PODXL: variants seen among roughly 807,000 people sequenced by gnomAD.
PODXL encodes the protein podocalyxin.
A neutral mutation model predicts 48.9 loss-of-function variants in PODXL; 20 were observed. That is an observed-to-expected ratio of 0.41 (90% confidence interval 0.29 to 0.59). The LOEUF is 0.59. PODXL is among the 20% of genes least tolerant of loss of function. The pLI, the probability that PODXL is intolerant of heterozygous loss-of-function variation, is 0.31. For missense variants in PODXL, 606 were observed against 675.1 expected (o/e 0.90, Z 1.13); for synonymous variants, 295 against 287.4 (o/e 1.03, Z -0.27).
intron 1 of PODXL, among the ~76,000 whole-genome samples, chr7:131,543,268 G>A (rs188170147): frequency 4.5e-4 from 68 of 152,160 alleles, no homozygotes; most frequent in Non-Finnish European, 6.3e-4. Flanking sequence ...TGGAATTACA[G>A]GTCCATACCA....
intron 1 of PODXL, among the ~76,000 whole-genome samples, chr7:131,536,512 G>C (rs1019269062): frequency 3.3e-5 from 5 of 152,132 alleles, no homozygotes; most frequent in Non-Finnish European, 5.9e-5. Flanking sequence ...TTACACCCTC[G>C]GGCCAGCAGC....
In PODXL at chr7:131,504,264, T is replaced by C. The variant is rs1584805347; in HGVS notation, c.*47A>G. 6.6e-7 allele frequency: 1 copy of C among 1,525,710 alleles called. No individual in the cohort carries two copies. Among genetic ancestry groups the C allele is most frequent in the Non-Finnish European group, 9.1e-7 (1 of 1,103,870 alleles). 94.5% of individuals were successfully genotyped at this position (1,525,710 alleles called of 1,614,324 possible). A position where few individuals can be genotyped will look rare whatever the true frequency, so the allele number is the denominator to read the frequency against. The stretch of plus-strand genomic sequence containing the variant: ...CCCATCCAAACGGCACTTGGGGTGG[T>C]TGGTCTGGAGCTCTGTGGTGCTGCT... On this transcript the variant is annotated 3_prime_UTR_variant, in exon 9 of 9. Transcript: ENST00000378555.
At chr7:131,506,134 G>C (rs1469262713) in intron 7 of PODXL, 99 bp from the exon 8 acceptor site, 6 of 1,544,634 alleles carry the variant, frequency 3.9e-6, no homozygotes, top group Middle Eastern at 3.7e-4. Flanking sequence ...GCTAGGGTCC[G>C]TGCCGCCGCC....
At chr7:131,530,150 A>G in intron 1 of PODXL, among the ~76,000 whole-genome samples, 2 of 78,232 alleles carry the variant, frequency 2.6e-5, no homozygotes, top group Admixed American at 2.5e-4. Flanking sequence ...TCTACACCCC[A>G]CCCCCCCACC....
intron 5 of PODXL, among the ~76,000 whole-genome samples, chr7:131,507,219 AC>A (rs1797823637): frequency 6.6e-6 from 1 of 151,954 alleles, no homozygotes; most frequent in African/African-American, 2.4e-5. Flanking sequence ...AAGGGTCTCT[AC>A]CCCCAAAGCT....
chr7:131,507,300 G>T (rs1797825983), intron 5 of PODXL, among the ~76,000 whole-genome samples: 1 of 152,192 alleles, frequency 6.6e-6, no homozygotes. Flanking sequence ...ACAGGGAAGG[G>T]GCTCCACTGA....
At chr7:131,516,637 ATTCATGAC>A (rs1267520478) in intron 1 of PODXL, among the ~76,000 whole-genome samples, 1 of 152,080 alleles carries the variant, frequency 6.6e-6, no homozygotes, top group Non-Finnish European at 1.5e-5. Flanking sequence ...AAGCAACATA[ATTCATGAC>A]TTCTGAGATT....
chr7:131,551,663 G>A (rs1798668472), intron 1 of PODXL, among the ~76,000 whole-genome samples: 1 of 152,158 alleles, frequency 6.6e-6, no homozygotes, highest in African/African-American at 2.4e-5. Context: ...TGAGCTGGGT[G>A]CGGTGGCTCA....
intron 1 of PODXL, among the ~76,000 whole-genome samples, chr7:131,516,408 G>A (rs1490442161): frequency 6.6e-6 from 1 of 152,076 alleles, no homozygotes; most frequent in Non-Finnish European, 1.5e-5. Context: ...GCGTGTTGGC[G>A]CATGCCTGTA....
chr7:131,508,350 TA>T lies in PODXL; in HGVS notation c.1101+600del, dbSNP rs1319536773. On this transcript the variant is annotated intron_variant, in intron 5 of 8. Transcript: ENST00000378555. Reference sequence around the variant, plus strand: ...CTGTTCGTCCATCAAGGCTCTCAGATAGTCCACAGACCAGGAAATGTGAAGC... The same window carrying T: ...CTGTTCGTCCATCAAGGCTCTCAGATGTCCACAGACCAGGAAATGTGAAGC... Among the ~76,000 whole-genome samples the T allele has an allele frequency of 3.3e-5, 5 of 152,216 alleles. No individual in the cohort carries two copies. The East Asian group carries it at 9.6e-4, about 29-fold the overall frequency.
Position 131,506,582 on chromosome 7 carries a change from G to T in PODXL, c.1246C>A (p.His416Asn). ...GGCCCCCTTGCCCTCCACTCACTGT[G>T]AATAGTGATTTCTTTGACGACCACG... Reference protein sequence around the residue: ...QTVVVKEITIHTKLPAKDVYE... With the variant: ...QTVVVKEITINTKLPAKDVYE... The change falls in exon 6 of 9, where the codon CAC (histidine) becomes AAC (asparagine). Residue 416 changes from histidine to asparagine, a missense_variant. Transcript: ENST00000378555. The T allele has an allele frequency of 6.2e-7, 1 of 1,613,968 alleles. No individual in the cohort carries two copies. Among genetic ancestry groups the T allele is most frequent in the Non-Finnish European group, 8.5e-7 (1 of 1,179,920 alleles).
chr7:131,516,736 C>CTTTTTTTT (rs58722955), intron 1 of PODXL, among the ~76,000 whole-genome samples: 3 of 125,640 alleles, frequency 2.4e-5, no homozygotes, highest in Non-Finnish European at 3.2e-5. Flanking sequence ...TTTTTTTTCT[C>CTTTTTTTT]TTTTTTTTTT....
Position 131,504,344 on chromosome 7 carries a change from G to T in PODXL, c.1644C>A (p.Asp548Glu). Reference sequence around the variant, plus strand: ...GTGTGTCTTCCTCCTCATCCAGGTCGTCCTTGGTCAGGTTGTCCAGAGGGA... The same window carrying T: ...GTGTGTCTTCCTCCTCATCCAGGTCTTCCTTGGTCAGGTTGTCCAGAGGGA... ...WIVPLDNLTK[D>E]DLDEEEDTHL Residue 548 changes from aspartate (D) to glutamate (E), a missense_variant, in exon 9 of 9, where the codon GAC becomes GAA. Coordinates refer to ENST00000378555, the MANE Select transcript of PODXL (RefSeq NM_001018111.3). 2.5e-6 allele frequency: 4 copies of T among 1,614,180 alleles called. No individual in the cohort carries two copies. Among genetic ancestry groups the T allele is most frequent in the Non-Finnish European group, 1.7e-6 (2 of 1,180,014 alleles).
In PODXL at chr7:131,556,582, G is replaced by A. The variant is rs1459624884; in HGVS notation, c.-223C>T. ...GAGCCAGTGGCAGAGGAGCGGCGGC[G>A]GCGGCGGCTGCGTCCTGGGCGGCGT... On this transcript the variant is annotated 5_prime_UTR_variant, in exon 1 of 9. Transcript: ENST00000378555. The A allele has an allele frequency of 7.4e-6, 3 of 404,140 alleles. No individual in the cohort carries two copies. Among genetic ancestry groups the A allele is most frequent in the East Asian group, 4.7e-5 (1 of 21,324 alleles). 25.0% of individuals were successfully genotyped at this position (404,140 alleles called of 1,614,324 possible).
chr7:131,526,953 GGTCTCAAACTCCTGACCT>G (rs1485137913), intron 1 of PODXL, among the ~76,000 whole-genome samples: 1 of 151,926 alleles, frequency 6.6e-6, no homozygotes, highest in Non-Finnish European at 1.5e-5. Context: ...TGGCCAGGAT[GGTCTCAAACTCCTGACCT>G]CAAGTGATCC....
Position 131,501,847 on chromosome 7 carries a change from C to T in PODXL, c.*2464G>A, listed in dbSNP as rs1019993296. On this transcript the variant is annotated 3_prime_UTR_variant, in exon 9 of 9. Coordinates refer to ENST00000378555, the MANE Select transcript of PODXL (RefSeq NM_001018111.3). Reference sequence around the variant, plus strand: ...TGTTTGGCCTGTTGACATAGGTGTCCTGGTGGCAAGAGCAAGGCAAGGTGT... The same window carrying T: ...TGTTTGGCCTGTTGACATAGGTGTCTTGGTGGCAAGAGCAAGGCAAGGTGT... The T allele has an allele frequency of 5.9e-5, 9 of 152,260 alleles. No individual in the cohort carries two copies. Among genetic ancestry groups the T allele is most frequent in the African/African-American group, 2.2e-4 (9 of 41,434 alleles). 9.4% of individuals were successfully genotyped at this position (152,260 alleles called of 1,614,324 possible).
chr7:131,506,481 AG>A, intron 6 of PODXL, 97 bp downstream of exon 6: 1 of 1,443,994 alleles, frequency 6.9e-7, no homozygotes, highest in Non-Finnish European at 9.6e-7. Flanking sequence ...AGGGAACTGA[AG>A]GGGCACCACT....
chr7:131,510,016 C>T (rs184774357), intron 3 of PODXL, among the ~76,000 whole-genome samples: 3 of 152,280 alleles, frequency 2.0e-5, no homozygotes, highest in East Asian at 1.9e-4. Context: ...TCCTGTGGAG[C>T]GGTGGCCTGC....
At chr7:131,543,631 C>G (rs562160423) in intron 1 of PODXL, among the ~76,000 whole-genome samples, 2 of 152,284 alleles carry the variant, frequency 1.3e-5, no homozygotes, top group African/African-American at 4.8e-5. Flanking sequence ...TGCAGCTCTC[C>G]AATCCTGTGG....
Sources: allele counts gnomAD v4.1 joint callset (sites outside exome capture counted in the v4.1 genomes callset), GRCh38; gene constraint gnomAD v4.1.1; transcripts MANE v1.5; gene names NCBI Gene and HGNC (gene_info 2026-07-23, HGNC 2026-07-21).